The following SLC14A2 variants were observed in gnomAD, a reference collection of about 807,000 sequenced individuals.
SLC14A2 encodes urea transporter 2.
In SLC14A2, 91 loss-of-function variants were observed where a neutral mutation model predicts 104.6. The observed-to-expected ratio is 0.87, with a 90% CI of 0.73 to 1.04. SLC14A2 has a LOEUF of 1.04. Among genes scored for constraint, SLC14A2 ranks in the 50% least tolerant of loss-of-function variants. The pLI is 0.00. For synonymous variants in SLC14A2, 476 were observed against 466.4 expected (o/e 1.02, Z -0.27); for missense variants, 1,189 against 1,156.0 (o/e 1.03, Z -0.41).
chr18:45,548,657 T>C (rs1363886466), intron 2 of SLC14A2, among the ~76,000 whole-genome samples: 1 of 152,208 alleles, frequency 6.6e-6, no homozygotes. Context: ...TGATCTATCA[T>C]CATGCCACTG....
At chr18:45,570,867 C>G (rs1394603076) in intron 2 of SLC14A2, among the ~76,000 whole-genome samples, 2 of 128,028 alleles carry the variant, frequency 1.6e-5, no homozygotes, top group African/African-American at 5.1e-5. Flanking sequence ...TAGAATAGAA[C>G]AACATAAAAC....
chr18:45,593,772 A>C (rs919530588), intron 2 of SLC14A2, among the ~76,000 whole-genome samples: 1 of 152,160 alleles, frequency 6.6e-6, no homozygotes, highest in Non-Finnish European at 1.5e-5. Flanking sequence ...CACCAGTGTG[A>C]GCCACCGCGC....
At position 45,618,696 on chromosome 18, in the gene SLC14A2, A is replaced by AAAG. The variant is rs1555714272; in HGVS notation, c.-35+3118_-35+3120dup. Among the ~76,000 whole-genome samples the AAAG allele has an allele frequency of 9.6e-4, 138 of 144,450 alleles. 3 individuals carry two copies. Among genetic ancestry groups the AAAG allele is most frequent in the African/African-American group, 3.7e-3 (133 of 36,342 alleles). 94.8% of individuals were successfully genotyped at this position (144,450 alleles called of 152,430 possible). On this transcript the variant is annotated intron_variant, in intron 1 of 19. Transcript: ENST00000255226. ...AAAAAAAAAAAAAAAAAAAAAAAAA[A>AAAG]AAGAAGTAGTAAATGGGGCCATTTG...
At chr18:45,344,033 A>ATTTGC (rs2085423174) in intron 1 of SLC14A2, among the ~76,000 whole-genome samples, 1 of 152,200 alleles carries the variant, frequency 6.6e-6, no homozygotes, top group Non-Finnish European at 1.5e-5. Flanking sequence ...AGCAGCTACA[A>ATTTGC]TTTGCTGGCC....
intron 1 of SLC14A2, among the ~76,000 whole-genome samples, chr18:45,454,863 A>G (rs952701486): frequency 6.6e-6 from 1 of 152,086 alleles, no homozygotes; most frequent in Non-Finnish European, 1.5e-5. Context: ...ATTGGTCTAT[A>G]TATCTGTTTT....
In SLC14A2 at chr18:45,389,949, C is replaced by T. The variant is rs559109755; in HGVS notation, c.-124-93284C>T. Reference sequence around the variant, plus strand: ...CATTGGGATATCTCTGTACCTTCCTCCTTCCTCTCAATTTTGCTAGAATGA... The same window carrying T: ...CATTGGGATATCTCTGTACCTTCCTTCTTCCTCTCAATTTTGCTAGAATGA... On this transcript the variant is annotated intron_variant, in intron 1 of 20. Coordinates refer to the SLC14A2 transcript ENST00000586448. 4.6e-5 allele frequency among the ~76,000 whole-genome samples: 7 copies of T among 152,312 alleles called. No individual in the cohort carries two copies. In the East Asian group the frequency reaches 1.3e-3, roughly 29 times the overall value.
chr18:45,410,465 A>G (rs543842041), intron 1 of SLC14A2, among the ~76,000 whole-genome samples: 1 of 152,314 alleles, frequency 6.6e-6, no homozygotes, highest in African/African-American at 2.4e-5. Context: ...CTAACCTCAT[A>G]TGATATATAT....
chr18:45,337,578 C>G (rs1474072463), intron 1 of SLC14A2, among the ~76,000 whole-genome samples: 1 of 152,208 alleles, frequency 6.6e-6, no homozygotes, highest in Admixed American at 6.5e-5. Flanking sequence ...CCTGCCATGA[C>G]AGGAAAGCAA....
intron 1 of SLC14A2, among the ~76,000 whole-genome samples, chr18:45,281,916 G>T (rs527420663): frequency 6.6e-6 from 1 of 152,252 alleles, no homozygotes; most frequent in East Asian, 1.9e-4. Flanking sequence ...ACCTGCCTGA[G>T]CCCTGGCACC....
intron 1 of SLC14A2, among the ~76,000 whole-genome samples, chr18:45,405,161 T>TC (rs1402444405): frequency 3.3e-5 from 5 of 151,968 alleles, no homozygotes; most frequent in Admixed American, 6.6e-5. Context: ...TGCAGAACAC[T>TC]CCCCAGGGCA....
At chr18:45,580,937 G>T (rs912241540) in intron 2 of SLC14A2, among the ~76,000 whole-genome samples, 1 of 151,776 alleles carries the variant, frequency 6.6e-6, no homozygotes, top group South Asian at 2.1e-4. Context: ...GAAATACTCA[G>T]GCAAAACCAG....
At chr18:45,476,205 T>G (rs2087377456) in intron 1 of SLC14A2, among the ~76,000 whole-genome samples, 1 of 152,194 alleles carries the variant, frequency 6.6e-6, no homozygotes. Flanking sequence ...CAATTGCTTG[T>G]CTGTAAAGGA....
chr18:45,407,004 T>C (rs2086162336), intron 1 of SLC14A2, among the ~76,000 whole-genome samples: 1 of 152,200 alleles, frequency 6.6e-6, no homozygotes, highest in African/African-American at 2.4e-5. Context: ...GAGCATTGGC[T>C]TCCATTGAAA....
At chr18:45,175,400 G>A in the SLC14A2 span, among the ~76,000 whole-genome samples, 2 of 146,610 alleles carry the variant, frequency 1.4e-5, no homozygotes, top group African/African-American at 2.5e-5. Context: ...TTGAAATGTA[G>A]GGGTAAGAAA....
chr18:45,294,763 G>C (rs2084903734), intron 1 of SLC14A2, among the ~76,000 whole-genome samples: 1 of 152,210 alleles, frequency 6.6e-6, no homozygotes. Context: ...CTTCTTTAAA[G>C]ATCAGACTTG....
rs916529749 is a variant in SLC14A2, at chr18:45,619,683, G to A, written c.-35+4101G>A. On this transcript the variant is annotated intron_variant, in intron 1 of 19. Coordinates refer to ENST00000255226, the MANE Select transcript of SLC14A2 (RefSeq NM_007163.4). ...CTGGCGCTGAGCTGAGCTGGGAACG[G>A]GCTGAGGCCCTCAGCCCGGACGTGG... 2.0e-5 allele frequency among the ~76,000 whole-genome samples: 3 copies of A among 152,124 alleles called. No individual in the cohort carries two copies. The South Asian group carries it at 6.2e-4, about 32-fold the overall frequency.
the SLC14A2 span, among the ~76,000 whole-genome samples, chr18:45,173,859 C>A: frequency 6.6e-6 from 1 of 152,102 alleles, no homozygotes; most frequent in Admixed American, 6.6e-5. Context: ...CACAGCCCTG[C>A]ATTTTGCACA....
At chr18:45,235,714 G>A (rs1288398189) in intron 1 of SLC14A2, among the ~76,000 whole-genome samples, 1 of 151,082 alleles carries the variant, frequency 6.6e-6, no homozygotes, top group African/African-American at 2.4e-5. Context: ...TTAATACAAT[G>A]TTCTTCGGCC....
chr18:45,283,606 A>AT (rs1599641786), intron 1 of SLC14A2, among the ~76,000 whole-genome samples: 1 of 152,264 alleles, frequency 6.6e-6, no homozygotes, highest in East Asian at 1.9e-4. Context: ...AATGTTATTA[A>AT]ATCAGGTATA....
Sources: gnomAD v4.1 joint callset for allele counts (sites outside exome capture counted in the v4.1 genomes callset) on GRCh38, gnomAD v4.1.1 for gene constraint, MANE v1.5 for transcripts, NCBI Gene and HGNC (gene_info 2026-07-23, HGNC 2026-07-21) for gene names.